COL5A1: variants seen among roughly 807,000 people sequenced by gnomAD.
COL5A1 encodes the protein collagen type V alpha 1 chain.
COL5A1 carries 16 observed loss-of-function variants against 263.7 expected under a neutral mutation model. The ratio of observed to expected loss-of-function variants is 0.06; its 90% CI spans 0.04 to 0.09. COL5A1 has a LOEUF of 0.09. Among genes scored for constraint, COL5A1 ranks in the 10% least tolerant of loss-of-function variants. COL5A1 has a pLI of 1.00. For synonymous variants in COL5A1, 1,012 were observed against 1,004.5 expected (o/e 1.01, Z -0.14); for missense variants, 2,036 against 2,540.5 (o/e 0.80, Z 4.27).
At chr9:134,785,790 C>T (rs192063714) in intron 30 of COL5A1, among the ~76,000 whole-genome samples, 119 of 152,300 alleles carry the variant, frequency 7.8e-4, no homozygotes, top group African/African-American at 2.8e-3. Context: ...CAGGGACCAT[C>T]GGGTACCCCC....
At chr9:134,692,318 G>A (rs1013352412) in intron 2 of COL5A1, among the ~76,000 whole-genome samples, 4 of 152,116 alleles carry the variant, frequency 2.6e-5, no homozygotes, top group South Asian at 2.1e-4. Flanking sequence ...GGAACTCATC[G>A]GCTCAGACAG....
rs1263324102 is a variant in COL5A1 at position 134,750,626 on chromosome 9, C to A, written c.1569+10C>A. On this transcript the variant is annotated intron_variant, in intron 12 of 65. Coordinates refer to ENST00000371817, the MANE Select transcript of COL5A1 (RefSeq NM_000093.5). Reference sequence around the variant, plus strand: ...CATGCTCATGCTGCCCGTGAGTACCCTTATCAGTCGGAGGTGGGGAGGCAG... The same window carrying A: ...CATGCTCATGCTGCCCGTGAGTACCATTATCAGTCGGAGGTGGGGAGGCAG... 2 of 1,613,200 alleles carry A rather than the reference C, an allele frequency of 1.2e-6. No homozygotes were observed.
Position 134,758,250 on chromosome 9 carries a change from G to C in COL5A1, c.1889G>C (p.Arg630Pro), listed in dbSNP as rs781667754. The C allele has an allele frequency of 6.2e-7, 1 of 1,613,920 alleles. No homozygotes were observed. The highest frequency in any genetic ancestry group is 1.3e-5 in the African/African-American group (1 of 74,916). ...MPGQTGPKGD[R>P]GFDGLAGLPG... ...TTTCTGTCCTTTTTGCAGGGTGACC[G>C]GGGTTTCGACGGCCTGGCTGGGTTG... Residue 630 changes from arginine (R) to proline (P), a missense_variant, in exon 18 of 66, where the codon CGG becomes CCG. Physicochemically the swap from Arg to Pro is moderately radical, Grantham distance 103. This residue lies in a region of COL5A1 where 1,078 missense variants were observed against 1,521.4 expected (regional missense o/e 0.71). Transcript: ENST00000371817. The surrounding 1 kb of genome is among the most constrained non-coding windows in gnomAD (Gnocchi z 4.1).
At chr9:134,823,094 C>A (rs1839088328) in intron 60 of COL5A1, 61 bp downstream of exon 60, 1 of 1,586,568 alleles carries the variant, frequency 6.3e-7, no homozygotes, top group African/African-American at 1.3e-5. Context: ...CGACGGGTCC[C>A]CTGGCACGGG....
chr9:134,790,727 C>A (rs1269139062), intron 32 of COL5A1, among the ~76,000 whole-genome samples: 1 of 151,194 alleles, frequency 6.6e-6, no homozygotes, highest in Non-Finnish European at 1.5e-5. Flanking sequence ...AGCTGTCATT[C>A]TTCTTCTGGA....
At chr9:134,723,333 A>C (rs1456300539) in intron 4 of COL5A1, among the ~76,000 whole-genome samples, 1 of 152,024 alleles carries the variant, frequency 6.6e-6, no homozygotes, top group Admixed American at 6.5e-5. Flanking sequence ...TCAGTCCCTG[A>C]AACTTCAGAT....
intron 27 of COL5A1, among the ~76,000 whole-genome samples, chr9:134,777,772 G>A (rs563920271): frequency 6.6e-6 from 1 of 152,294 alleles, no homozygotes; most frequent in East Asian, 1.9e-4. Context: ...CAATGCCCCC[G>A]GGTGCTGTGC....
chr9:134,835,418 G>A (rs1346811957), intron 65 of COL5A1, among the ~76,000 whole-genome samples: 1 of 152,236 alleles, frequency 6.6e-6, no homozygotes, highest in Non-Finnish European at 1.5e-5. Flanking sequence ...GAGTTCTGTG[G>A]GTTAGGATGG....
chr9:134,815,608 C>T lies in COL5A1; in HGVS notation c.4047C>T (p.Pro1349=). ...TGGGTTTTCCTGGAGATCCTGGCCC[C>T]CCCGGAGAGCCTGGCCCCGCGGTAG... ...GPVGFPGDPG[P]PGEPGPAGQD... The change falls in exon 51 of 66, where the codon CCC becomes CCT. Residue 1349 remains proline, a synonymous_variant. Transcript: ENST00000371817. 6.2e-7 allele frequency: 1 copy of T among 1,613,812 alleles called. No homozygotes were observed. Among genetic ancestry groups the T allele is most frequent in the Non-Finnish European group, 8.5e-7 (1 of 1,179,948 alleles).
intron 32 of COL5A1, among the ~76,000 whole-genome samples, chr9:134,790,569 C>CCCATCCAT (rs1399436342): frequency 3.2e-5 from 2 of 63,490 alleles, no homozygotes; most frequent in African/African-American, 1.7e-4. Flanking sequence ...CACCCACCCA[C>CCCATCCAT]CCATCCATCC....
chr9:134,748,104 C>CAA (rs1835630114), intron 11 of COL5A1, among the ~76,000 whole-genome samples: 1 of 79,276 alleles, frequency 1.3e-5, no homozygotes, highest in Non-Finnish European at 3.0e-5. Flanking sequence ...CATGCATCCA[C>CAA]ACATGCATAC....
chr9:134,647,210 C>T lies in COL5A1; in HGVS notation c.109+4914C>T, dbSNP rs930032436. 2.0e-5 allele frequency among the ~76,000 whole-genome samples: 3 copies of T among 152,170 alleles called. No individual in the cohort carries two copies. The highest frequency in any genetic ancestry group is 2.9e-5 in the Non-Finnish European group (2 of 68,028). On this transcript the variant is annotated intron_variant, in intron 1 of 65. Coordinates refer to ENST00000371817, the MANE Select transcript of COL5A1 (RefSeq NM_000093.5). This position sits in a 1 kb window ranked among gnomAD's most constrained non-coding sequence, Gnocchi z 5.0. ...GGGGCTCTGCTGTTGCCCGCTTAGC[C>T]GGTCTCTGCTGCCCCTTTGCCTTCC... is the stretch of plus-strand genomic sequence containing the variant.
intron 27 of COL5A1, among the ~76,000 whole-genome samples, chr9:134,778,926 C>A (rs3128619): frequency 0.38 from 57,759 of 152,238 alleles, 13,000 homozygotes; most frequent in Admixed American, 0.51. Flanking sequence ...TCCGCAGCTC[C>A]TTGGCAGAGC....
chr9:134,774,724 T>A (rs1836990382), intron 26 of COL5A1, 135 bp from the exon 27 acceptor site: 1 of 889,996 alleles, frequency 1.1e-6, no homozygotes, highest in African/African-American at 1.7e-5. Flanking sequence ...ACGGGGGGCC[T>A]CTCTGGAGGC....
chr9:134,726,589 T>C (rs1834660498), intron 4 of COL5A1, among the ~76,000 whole-genome samples: 1 of 150,986 alleles, frequency 6.6e-6, no homozygotes, highest in African/African-American at 2.4e-5. Context: ...GAGGAGTGGA[T>C]GGATAGAGGG....
At chr9:134,730,182 G>A in intron 6 of COL5A1, 54 bp from the exon 7 acceptor site, 1 of 1,605,492 alleles carries the variant, frequency 6.2e-7, no homozygotes, top group Middle Eastern at 1.9e-4. Flanking sequence ...CCCAGACCTG[G>A]CACCACTGCC....
intron 4 of COL5A1, among the ~76,000 whole-genome samples, chr9:134,723,806 G>C (rs1029835049): frequency 9.9e-5 from 15 of 152,196 alleles, no homozygotes; most frequent in African/African-American, 3.6e-4. Flanking sequence ...TATGGATGTG[G>C]ATGTGTGGCT....
chr9:134,796,850 A>T lies in COL5A1; in HGVS notation c.2847A>T (p.Gly949=), dbSNP rs898479012. The change falls in exon 36 of 66, where the codon GGA becomes GGT. Residue 949 remains glycine (G), a splice_region_variant and synonymous_variant. Coordinates refer to ENST00000371817, the MANE Select transcript of COL5A1 (RefSeq NM_000093.5). The stretch of plus-strand genomic sequence containing the variant: ...AACTGGCCTTTCTCTGTTCCCAGGG[A>T]CCCAATGGACCCCAAGGACCCACAG... ...DGPAGPPGER[G]PNGPQGPTGF... The T allele has an allele frequency of 5.0e-6, 8 of 1,613,858 alleles. No individual in the cohort carries two copies. Among genetic ancestry groups the T allele is most frequent in the African/African-American group, 2.7e-5 (2 of 74,860 alleles).
intron 4 of COL5A1, among the ~76,000 whole-genome samples, chr9:134,712,119 C>T (rs1456112642): frequency 1.9e-5 from 2 of 103,348 alleles, no homozygotes; most frequent in African/African-American, 3.7e-5. Context: ...CCTTCCTTCC[C>T]CCTCCTTCCT....
Sources: allele counts gnomAD v4.1 joint callset (sites outside exome capture counted in the v4.1 genomes callset), GRCh38; gene constraint gnomAD v4.1.1; regional missense constraint gnomAD v4.1.1; non-coding constraint Gnocchi (gnomAD v3.1); transcripts MANE v1.5; gene names NCBI Gene and HGNC (gene_info 2026-07-23, HGNC 2026-07-21).